Variants in EFR3B observed in about 807,000 individuals in gnomAD.
EFR3B encodes the protein EFR3 homolog B, also known as protein EFR3 homolog B.
Under a neutral mutation model 104.7 loss-of-function variants are expected in EFR3B, and 64 were observed. That is an observed-to-expected ratio of 0.61 (90% confidence interval 0.50 to 0.75). EFR3B has a LOEUF of 0.75. Ranked by LOEUF, EFR3B falls within the 30% of genes least tolerant of loss-of-function variation. The probability of loss-of-function intolerance (pLI) is 0.00; values close to 1 mark genes in which losing one functional copy is unlikely to be tolerated. For synonymous variants in EFR3B, 385 were observed against 417.9 expected, an observed-to-expected ratio of 0.92 and a Z score of 0.96; for missense variants, 750 against 1,078.5, an observed-to-expected ratio of 0.70 and a Z score of 4.27.
chr2:25,063,970 G>C (rs1221293534), intron 1 of EFR3B, among the ~76,000 whole-genome samples: 2 of 152,180 alleles, frequency 1.3e-5, no homozygotes, highest in African/African-American at 4.8e-5. Context: ...GCCCATGCGC[G>C]GTAGAGCTGC....
chr2:25,076,403 T>C lies in EFR3B; in HGVS notation c.8-14922T>C, dbSNP rs1017986931. ...GCTAACAATTACTGAGTTCTTACTG[T>C]GTGCTAGGAATAGTTGTAAGAACTT... is the stretch of plus-strand genomic sequence containing the variant. On this transcript the variant is annotated intron_variant, in intron 1 of 22. Transcript: ENST00000403714. 3.9e-5 allele frequency among the ~76,000 whole-genome samples: 6 copies of C among 152,198 alleles called. No individual in the cohort carries two copies. The East Asian group carries it at 1.2e-3, about 29-fold the overall frequency.
intron 12 of EFR3B, 136 bp downstream of exon 12, chr2:25,133,570 T>C: frequency 2.0e-6 from 2 of 977,010 alleles, no homozygotes; most frequent in Non-Finnish European, 3.1e-6. Flanking sequence ...GAGTCGGGGC[T>C]GAAATCTAGC....
intron 1 of EFR3B, among the ~76,000 whole-genome samples, chr2:25,062,573 G>T (rs567205355): frequency 3.3e-5 from 5 of 152,304 alleles, no homozygotes; most frequent in African/African-American, 1.2e-4. Flanking sequence ...CCCGCACCAG[G>T]GCTCTTACCA....
intron 4 of EFR3B, among the ~76,000 whole-genome samples, chr2:25,113,061 G>A (rs1669764512): frequency 6.6e-6 from 1 of 152,028 alleles, no homozygotes; most frequent in Admixed American, 6.6e-5. Flanking sequence ...CTACAGGGTG[G>A]GTGATCACTC....
chr2:25,095,190 A>G (rs475868), intron 3 of EFR3B, among the ~76,000 whole-genome samples: 78,038 of 152,068 alleles, frequency 0.51, 20,636 homozygotes, highest in East Asian at 0.8. Context: ...ATGTCCAGTC[A>G]GAGGAGAATA....
chr2:25,104,776 T>C (rs72852504), intron 4 of EFR3B, among the ~76,000 whole-genome samples: 16,999 of 152,180 alleles, frequency 0.11, 2,324 homozygotes, highest in African/African-American at 0.33. Flanking sequence ...CAGGTTACCT[T>C]TTATGGGCCT....
chr2:25,095,726 A>G (rs1669257748), intron 3 of EFR3B, among the ~76,000 whole-genome samples: 1 of 151,986 alleles, frequency 6.6e-6, no homozygotes, highest in Non-Finnish European at 1.5e-5. Flanking sequence ...ATGTACCAAT[A>G]TGTTAGGAGT....
At chr2:25,138,833 G>A (rs1166708110) in intron 15 of EFR3B, among the ~76,000 whole-genome samples, 1 of 152,190 alleles carries the variant, frequency 6.6e-6, no homozygotes, top group Admixed American at 6.5e-5. Context: ...TAGTCTGTGA[G>A]TACTCAAGAG....
chr2:25,131,648 C>T lies in EFR3B; in HGVS notation c.986-102C>T. 1 of 1,488,192 alleles carries T rather than the reference C, an allele frequency of 6.7e-7. No homozygotes were observed. The highest frequency in any genetic ancestry group is 2.5e-5 in the East Asian group (1 of 40,236). The allele number at this position is 1,488,192 out of a possible 1,614,324, so 92.2% of individuals were successfully genotyped here. On this transcript the variant is annotated intron_variant, in intron 9 of 22. Coordinates refer to ENST00000403714, the MANE Select transcript of EFR3B (RefSeq NM_014971.2). This position sits in a 1 kb window ranked among gnomAD's most constrained non-coding sequence, Gnocchi z 7.6. ...CAGGAAGTTGGGAGCGCAGAGGAAG[C>T]CCAGGCTGGAAGGGGGCGTGACCCT...
At chr2:25,148,921 C>CAA (rs57218512) in intron 19 of EFR3B, among the ~76,000 whole-genome samples, 19 of 68,466 alleles carry the variant, frequency 2.8e-4, no homozygotes, top group Non-Finnish European at 3.5e-4. Flanking sequence ...GACTCCGTCT[C>CAA]AAAAAAAAAA....
At position 25,157,445 on chromosome 2, in the gene EFR3B, G is replaced by GT. The variant is rs1350180094; in HGVS notation, c.*3106dup. On this transcript the variant is annotated 3_prime_UTR_variant, in exon 23 of 23. Coordinates refer to ENST00000403714, the MANE Select transcript of EFR3B (RefSeq NM_014971.2). ...TACCCTGGCCCTTGGTCTAGCATCA[G>GT]TGAGTCCTGCCCTTCCAAGCCCCTG... is the stretch of plus-strand genomic sequence containing the variant. 3 of 152,386 alleles carry GT rather than the reference G, an allele frequency of 2.0e-5. No individual in the cohort carries two copies. The highest frequency in any genetic ancestry group is 4.4e-5 in the Non-Finnish European group (3 of 68,174). The allele number at this position is 152,386 out of a possible 1,614,324, so 9.4% of individuals were successfully genotyped here. A position where few individuals can be genotyped will look rare whatever the true frequency, so the allele number is the denominator to read the frequency against.
chr2:25,043,220 A>C (rs932736458), intron 1 of EFR3B, among the ~76,000 whole-genome samples: 79 of 152,068 alleles, frequency 5.2e-4, no homozygotes, highest in African/African-American at 1.9e-3. Flanking sequence ...AGTCCATGAA[A>C]ACCCAGGTCT....
chr2:25,075,127 A>G (rs562375463), intron 1 of EFR3B, among the ~76,000 whole-genome samples: 32 of 152,314 alleles, frequency 2.1e-4, no homozygotes, highest in African/African-American at 7.5e-4. Flanking sequence ...CTGATTTTCA[A>G]GAATAATCCA....
intron 1 of EFR3B, among the ~76,000 whole-genome samples, chr2:25,045,511 G>C (rs1052820695): frequency 3.9e-5 from 6 of 152,260 alleles, no homozygotes; most frequent in African/African-American, 1.2e-4. Context: ...GCTGGGCGTG[G>C]TGGCTCACGC....
intron 1 of EFR3B, among the ~76,000 whole-genome samples, chr2:25,085,092 C>G (rs1018189836): frequency 1.2e-4 from 18 of 152,190 alleles, no homozygotes; most frequent in Admixed American, 1.3e-4. Flanking sequence ...TGAACCCTAC[C>G]CCGTGTCTTC....
At chr2:25,079,482 T>G (rs1668729339) in intron 1 of EFR3B, among the ~76,000 whole-genome samples, 1 of 152,214 alleles carries the variant, frequency 6.6e-6, no homozygotes, top group Non-Finnish European at 1.5e-5. Flanking sequence ...TAATAGTATC[T>G]ACTTTATGGG....
At chr2:25,092,138 G>A (rs1303100347) in intron 2 of EFR3B, among the ~76,000 whole-genome samples, 1 of 151,576 alleles carries the variant, frequency 6.6e-6, no homozygotes, top group Non-Finnish European at 1.5e-5. Context: ...GCGCGATCTC[G>A]GCTCACTGCA....
In EFR3B at chr2:25,063,081, G is replaced by A. The variant is rs1026930278; in HGVS notation, c.7+20762G>A. Reference sequence around the variant, plus strand: ...TGGGATTATAGGTGCCCCCCAACCCGCCCCACCCACCACCCCTGGCTAATT... The same window carrying A: ...TGGGATTATAGGTGCCCCCCAACCCACCCCACCCACCACCCCTGGCTAATT... On this transcript the variant is annotated intron_variant, in intron 1 of 22. Transcript: ENST00000403714. Among the ~76,000 whole-genome samples the A allele has an allele frequency of 2.2e-4, 11 of 50,840 alleles. No homozygotes were observed. In the East Asian group the frequency reaches 2.3e-3, roughly 11 times the overall value. The allele number at this position is 50,840 out of a possible 152,430, so 33.4% of individuals were successfully genotyped here. A position where few individuals can be genotyped will look rare whatever the true frequency, so the allele number is the denominator to read the frequency against.
Position 25,131,736 on chromosome 2 carries a change from C to T in EFR3B, c.986-14C>T, listed in dbSNP as rs771064965. On this transcript the variant is annotated splice_polypyrimidine_tract_variant and intron_variant, in intron 9 of 22. Transcript: ENST00000403714. This position sits in a 1 kb window ranked among gnomAD's most constrained non-coding sequence, Gnocchi z 7.6. The stretch of plus-strand genomic sequence containing the variant: ...CAGCCTTGGATCTCGGGTGTCCCGC[C>T]CCACCGCTCTCAGGGCCCACAGTAC... The T allele has an allele frequency of 8.0e-6, 12 of 1,490,884 alleles. No homozygotes were observed. The Middle Eastern group carries it at 7.0e-4, about 87-fold the overall frequency. The allele number at this position is 1,490,884 out of a possible 1,614,324, so 92.4% of individuals were successfully genotyped here. A position where few individuals can be genotyped will look rare whatever the true frequency, so the allele number is the denominator to read the frequency against.
Sources: allele counts gnomAD v4.1 joint callset (sites outside exome capture counted in the v4.1 genomes callset), GRCh38; gene constraint gnomAD v4.1.1; non-coding constraint Gnocchi (gnomAD v3.1); transcripts MANE v1.5; gene names NCBI Gene and HGNC (gene_info 2026-07-23, HGNC 2026-07-21).